TLL1: variants seen among roughly 807,000 people sequenced by gnomAD.
The protein encoded by TLL1 is tolloid-like protein 1.
TLL1 carries 49 observed loss-of-function variants against 128.2 expected under a neutral mutation model. The ratio of observed to expected loss-of-function variants is 0.38; its 90% confidence interval spans 0.30 to 0.48. The LOEUF (loss-of-function observed/expected upper bound fraction) is 0.48, where lower values mean the gene tolerates loss of function less well. TLL1 is among the 20% of genes least tolerant of loss of function. The pLI, the probability that TLL1 is intolerant of heterozygous loss-of-function variation, is 0.96. For missense variants in TLL1, 1,123 were observed against 1,242.0 expected (o/e 0.90, Z 1.44); for synonymous variants, 454 against 418.8 (o/e 1.08, Z -1.03).
intron 1 of TLL1, among the ~76,000 whole-genome samples, chr4:165,888,358 A>G (rs1037688404): frequency 1.3e-5 from 2 of 152,188 alleles, no homozygotes; most frequent in African/African-American, 4.8e-5. Context: ...AATTAGAATA[A>G]TTAATTTACT....
At chr4:165,887,345 A>G (rs1215278093) in intron 1 of TLL1, among the ~76,000 whole-genome samples, 1 of 152,142 alleles carries the variant, frequency 6.6e-6, no homozygotes, top group Non-Finnish European at 1.5e-5. Flanking sequence ...GCACCGTGTC[A>G]GTAGCCACAG....
At chr4:166,090,742 G>A (rs17047248) in intron 18 of TLL1, among the ~76,000 whole-genome samples, 21,832 of 151,774 alleles carry the variant, frequency 0.14, 1,662 homozygotes, top group Middle Eastern at 0.24. Flanking sequence ...AATGTTCAAC[G>A]GGTTCTATGA....
At chr4:165,951,005 G>A (rs1008475780) in intron 1 of TLL1, among the ~76,000 whole-genome samples, 1 of 151,970 alleles carries the variant, frequency 6.6e-6, no homozygotes, top group Non-Finnish European at 1.5e-5. Context: ...CATTGATAAA[G>A]TTCTAACCAG....
At chr4:166,049,535 GA>G (rs972014094) in intron 12 of TLL1, among the ~76,000 whole-genome samples, 1 of 151,720 alleles carries the variant, frequency 6.6e-6, no homozygotes, top group Non-Finnish European at 1.5e-5. Flanking sequence ...GAATCATGAA[GA>G]AAAAAATGAA....
At chr4:166,085,949 G>A (rs1024430528) in intron 18 of TLL1, among the ~76,000 whole-genome samples, 7 of 152,176 alleles carry the variant, frequency 4.6e-5, no homozygotes, top group South Asian at 2.1e-4. Context: ...TGGTTTCACC[G>A]AGTGACATGT....
In TLL1 at chr4:166,074,932, C is replaced by T. The variant is rs746510010; in HGVS notation, c.2243C>T (p.Thr748Met). 14 of 1,613,504 alleles carry T rather than the reference C, an allele frequency of 8.7e-6. No homozygotes were observed. The highest frequency in any genetic ancestry group is 4.5e-5 in the East Asian group (2 of 44,810). The stretch of plus-strand genomic sequence containing the variant: ...GGATGTCAGCACGAATGTGTCAACA[C>T]GATGGGGAGCTACATGTGTCAATGC... ...NGGCQHECVN[T>M]MGSYMCQCRN... The change falls in exon 17 of 21, where the codon ACG (threonine) becomes ATG (methionine). Residue 748 changes from threonine (T) to methionine (M), a missense_variant. This residue lies in a region of TLL1 where 634 missense variants were observed against 672.4 expected (regional missense o/e 0.94). Coordinates refer to ENST00000061240, the MANE Select transcript of TLL1 (RefSeq NM_012464.5).
At chr4:165,890,046 A>G (rs555748589) in intron 1 of TLL1, among the ~76,000 whole-genome samples, 1 of 152,250 alleles carries the variant, frequency 6.6e-6, no homozygotes, top group African/African-American at 2.4e-5. Context: ...AAGGGGAAGC[A>G]AACACATCCT....
intron 1 of TLL1, among the ~76,000 whole-genome samples, chr4:165,923,353 G>A (rs573090788): frequency 8.6e-4 from 124 of 144,816 alleles, no homozygotes; most frequent in African/African-American, 3.0e-3. Flanking sequence ...AATATTCAAA[G>A]CTTTAAATAA....
intron 6 of TLL1, among the ~76,000 whole-genome samples, chr4:166,004,276 T>C (rs1737309094): frequency 6.6e-6 from 1 of 152,180 alleles, no homozygotes; most frequent in African/African-American, 2.4e-5. Context: ...TCTTGTAAGG[T>C]ATTTTAAGCA....
At chr4:165,914,596 T>A (rs774449801) in intron 1 of TLL1, among the ~76,000 whole-genome samples, 3 of 152,208 alleles carry the variant, frequency 2.0e-5, no homozygotes, top group Non-Finnish European at 4.4e-5. Flanking sequence ...AGATAAAGAC[T>A]TTTATTATGT....
chr4:165,968,864 T>C (rs1032574308), intron 1 of TLL1, among the ~76,000 whole-genome samples: 1 of 152,162 alleles, frequency 6.6e-6, no homozygotes, highest in Admixed American at 6.5e-5. Context: ...CTGTGTTACT[T>C]TGAGTCAAAG....
rs1005413596 is a variant in TLL1, at chr4:165,938,177, G to C, written c.170-51204G>C. ...GGTTCCCTTCAGGGCCTAGATAATA[G>C]AGTGGATGTGTTTTTCTTTAATTAT... On this transcript the variant is annotated intron_variant, in intron 1 of 20. Transcript: ENST00000061240. Among the ~76,000 whole-genome samples the C allele has an allele frequency of 7.2e-4, 109 of 151,982 alleles. 4 individuals carry two copies. Among genetic ancestry groups the C allele is most frequent in the Non-Finnish European group, 2.9e-5 (2 of 67,966 alleles).
chr4:166,030,450 C>T (rs565084239), intron 9 of TLL1: 56 of 589,886 alleles, frequency 9.5e-5, no homozygotes, highest in Non-Finnish European at 1.6e-4. Flanking sequence ...TCCTCCTTCA[C>T]AGGTTGTATT....
intron 8 of TLL1, among the ~76,000 whole-genome samples, chr4:166,021,881 C>T (rs528449052): frequency 6.6e-6 from 1 of 152,072 alleles, no homozygotes; most frequent in Middle Eastern, 3.4e-3. Context: ...GCTTGTTGTC[C>T]GGGCTGCATA....
At position 166,075,018 on chromosome 4, in the gene TLL1, A is replaced by G. The variant is rs750808379; in HGVS notation, c.2314+15A>G. ...TTGCAAGGAAGGTATGGAACGGAAT[A>G]CACTTTTTTTGACAACATGTAGAAT... On this transcript the variant is annotated intron_variant, in intron 17 of 20. Coordinates refer to ENST00000061240, the MANE Select transcript of TLL1 (RefSeq NM_012464.5). The G allele has an allele frequency of 2.5e-6, 4 of 1,612,656 alleles. No individual in the cohort carries two copies.
Position 165,936,701 on chromosome 4 carries a change from G to A in TLL1, c.170-52680G>A, listed in dbSNP as rs184943791. 1.4e-4 allele frequency among the ~76,000 whole-genome samples: 22 copies of A among 151,836 alleles called. No individual in the cohort carries two copies. The South Asian group carries it at 1.5e-3, about 10-fold the overall frequency. ...CCAGCACTTTGAAAGGCTGAGGTGGGTGGATCACCTGAGGTCAGTAGTTCA... is the reference window on the plus strand; with the variant it reads ...CCAGCACTTTGAAAGGCTGAGGTGGATGGATCACCTGAGGTCAGTAGTTCA... On this transcript the variant is annotated intron_variant, in intron 1 of 20. Coordinates refer to ENST00000061240, the MANE Select transcript of TLL1 (RefSeq NM_012464.5).
chr4:166,044,639 A>G (rs1739383197), intron 12 of TLL1, among the ~76,000 whole-genome samples: 1 of 152,058 alleles, frequency 6.6e-6, no homozygotes, highest in African/African-American at 2.4e-5. Flanking sequence ...TGTTAATTTA[A>G]TGGACTAATA....
At position 166,065,667 on chromosome 4, in the gene TLL1, C is replaced by A; in HGVS notation, c.2008-16C>A. ...TACTCACAAATCTGGCAACTGATAA[C>A]CACATTTTTTTCTAGGTTTGCAAAT... is the stretch of plus-strand genomic sequence containing the variant. On this transcript the variant is annotated splice_polypyrimidine_tract_variant and intron_variant, in intron 15 of 20. Coordinates refer to ENST00000061240, the MANE Select transcript of TLL1 (RefSeq NM_012464.5). The A allele has an allele frequency of 6.2e-7, 1 of 1,612,392 alleles. No homozygotes were observed. The highest frequency in any genetic ancestry group is 8.5e-7 in the Non-Finnish European group (1 of 1,178,962).
chr4:165,926,555 G>A (rs182177721), intron 1 of TLL1, among the ~76,000 whole-genome samples: 103 of 152,264 alleles, frequency 6.8e-4, no homozygotes, highest in African/African-American at 2.3e-3. Context: ...GCAGAGGGGG[G>A]AGTCCTCTGT....
Sources: allele counts gnomAD v4.1 joint callset (sites outside exome capture counted in the v4.1 genomes callset), GRCh38; gene constraint gnomAD v4.1.1; regional missense constraint gnomAD v4.1.1; transcripts MANE v1.5; gene names NCBI Gene and HGNC (gene_info 2026-07-23, HGNC 2026-07-21).